RARB: variants seen among roughly 807,000 people sequenced by gnomAD.
RARB encodes HBV-activated protein.
A neutral mutation model predicts 51.9 loss-of-function variants in RARB; 17 were observed. That is an observed-to-expected ratio of 0.33 (90% CI 0.22 to 0.49). The LOEUF is 0.49. Ranked by LOEUF, RARB falls within the 20% of genes least tolerant of loss-of-function variation. The pLI is 0.99. For missense variants in RARB, 369 were observed against 550.8 expected (o/e 0.67, Z 3.30); for synonymous variants, 215 against 195.4 (o/e 1.10, Z -0.84).
At chr3:25,058,511 C>T (rs1575140414) in intron 2 of RARB, among the ~76,000 whole-genome samples, 1 of 149,686 alleles carries the variant, frequency 6.7e-6, no homozygotes, top group South Asian at 2.1e-4. Flanking sequence ...TCCATGCCCT[C>T]ATGAAGCTTT....
rs1703492552 is a variant in RARB at position 24,897,029 on chromosome 3, A to T, written c.-380+38277A>T. The stretch of plus-strand genomic sequence containing the variant: ...ACTTTAGCTCATGGAAAACGACTGG[A>T]AGTCAGAGGCTGTCTGATTTGGCAT... On this transcript the variant is annotated intron_variant, in intron 2 of 11. Transcript: ENST00000383772. Among the ~76,000 whole-genome samples the T allele has an allele frequency of 3.9e-5, 6 of 152,318 alleles. No individual in the cohort carries two copies. In the Middle Eastern group the frequency reaches 0.014, roughly 345 times the overall value.
At chr3:25,145,820 A>AC (rs1700179546) in intron 4 of RARB, among the ~76,000 whole-genome samples, 1 of 137,666 alleles carries the variant, frequency 7.3e-6, no homozygotes, top group Non-Finnish European at 1.5e-5. Context: ...ACATGGTAAA[A>AC]CCCCATCTCT....
chr3:25,508,142 G>T (rs549254847), intron 3 of RARB, among the ~76,000 whole-genome samples: 1 of 152,180 alleles, frequency 6.6e-6, no homozygotes, highest in Non-Finnish European at 1.5e-5. Context: ...AGTTTCATAA[G>T]TGTATTTGTA....
intron 3 of RARB, among the ~76,000 whole-genome samples, chr3:25,101,659 T>A (rs889508990): frequency 3.3e-5 from 5 of 151,976 alleles, no homozygotes; most frequent in Admixed American, 1.3e-4. Context: ...GTTTTTTTTT[T>A]TTATTATATT....
chr3:25,244,177 T>C (rs1702498226), intron 5 of RARB, among the ~76,000 whole-genome samples: 1 of 152,168 alleles, frequency 6.6e-6, no homozygotes, highest in African/African-American at 2.4e-5. Flanking sequence ...CATTTTTTAT[T>C]GTGTCTATTC....
At chr3:25,266,815 C>T (rs910058558) in intron 5 of RARB, among the ~76,000 whole-genome samples, 5 of 152,226 alleles carry the variant, frequency 3.3e-5, no homozygotes, top group African/African-American at 1.2e-4. Flanking sequence ...AGTGAGCAGG[C>T]AGCCCTCTGC....
chr3:24,989,282 AGCC>A (rs1259394809), intron 2 of RARB, among the ~76,000 whole-genome samples: 8 of 152,260 alleles, frequency 5.3e-5, no homozygotes, highest in Non-Finnish European at 1.2e-4. Flanking sequence ...AGTGGATGTC[AGCC>A]ATAAACAATT....
intron 4 of RARB, among the ~76,000 whole-genome samples, chr3:25,159,154 C>CTTTTT (rs397874262): frequency 3.1e-5 from 2 of 65,304 alleles, no homozygotes; most frequent in African/African-American, 6.7e-5. Flanking sequence ...TCCAAATTGT[C>CTTTTT]TTTTTTTTTT....
intron 5 of RARB, among the ~76,000 whole-genome samples, chr3:25,375,728 CTGAT>C (rs1343338663): frequency 1.3e-5 from 2 of 152,138 alleles, no homozygotes; most frequent in African/African-American, 2.4e-5. Flanking sequence ...TATAAATTCT[CTGAT>C]TGTGTATAAA....
At chr3:25,158,881 T>C (rs1700423696) in intron 4 of RARB, among the ~76,000 whole-genome samples, 1 of 152,130 alleles carries the variant, frequency 6.6e-6, no homozygotes, top group Non-Finnish European at 1.5e-5. Flanking sequence ...TTGAACCCTC[T>C]GCATTCAGTC....
intron 3 of RARB, among the ~76,000 whole-genome samples, chr3:25,503,198 G>C (rs1276559518): frequency 6.6e-6 from 1 of 152,126 alleles, no homozygotes; most frequent in Non-Finnish European, 1.5e-5. Context: ...CATTCAATTG[G>C]CTCAGGCTCT....
chr3:25,349,254 G>T (rs1705487470), intron 5 of RARB, among the ~76,000 whole-genome samples: 1 of 152,146 alleles, frequency 6.6e-6, no homozygotes, highest in African/African-American at 2.4e-5. Context: ...TGAATTAATT[G>T]CTTTGCTTTT....
chr3:24,994,674 A>G (rs1297859417), intron 2 of RARB, among the ~76,000 whole-genome samples: 1 of 152,022 alleles, frequency 6.6e-6, no homozygotes, highest in Admixed American at 6.6e-5. Context: ...ATTTTGGGGT[A>G]GAGTGAGAGG....
intron 2 of RARB, among the ~76,000 whole-genome samples, chr3:25,001,205 TAAATA>T (rs1697151479): frequency 6.6e-6 from 1 of 152,010 alleles, no homozygotes; most frequent in Non-Finnish European, 1.5e-5. Context: ...TTAAAATAAA[TAAATA>T]AAGGCAAAAA....
At chr3:25,580,472 A>C in intron 4 of RARB, 74 bp from the exon 5 acceptor site, 2 of 1,359,488 alleles carry the variant, frequency 1.5e-6, no homozygotes, top group Non-Finnish European at 2.0e-6. Flanking sequence ...CTCTAATTGG[A>C]AACACATTGA....
chr3:25,208,661 C>A (rs886809107), intron 5 of RARB, among the ~76,000 whole-genome samples: 12 of 152,196 alleles, frequency 7.9e-5, no homozygotes, highest in Middle Eastern at 3.4e-3. Context: ...TTTGGCCCAG[C>A]CCTCTGACCT....
intron 1 of RARB, among the ~76,000 whole-genome samples, chr3:24,854,597 T>C (rs943303452): frequency 6.6e-6 from 1 of 152,136 alleles, no homozygotes; most frequent in African/African-American, 2.4e-5. Context: ...GGAGGTGCAA[T>C]CTAATGATAC....
intron 2 of RARB, among the ~76,000 whole-genome samples, chr3:24,870,558 C>T (rs1183677844): frequency 6.6e-6 from 1 of 151,954 alleles, no homozygotes; most frequent in Non-Finnish European, 1.5e-5. Flanking sequence ...AGCCTTCTAC[C>T]TATAGCATTA....
intron 5 of RARB, among the ~76,000 whole-genome samples, chr3:25,392,935 A>C (rs1707011765): frequency 6.6e-6 from 1 of 152,218 alleles, no homozygotes; most frequent in Non-Finnish European, 1.5e-5. Context: ...GTTGAATACA[A>C]GTGGTGAATG....
Sources: allele counts gnomAD v4.1 joint callset (sites outside exome capture counted in the v4.1 genomes callset), GRCh38; gene constraint gnomAD v4.1.1; transcripts MANE v1.5; gene names NCBI Gene and HGNC (gene_info 2026-07-23, HGNC 2026-07-21).